LOC128706666: variants seen among roughly 807,000 people sequenced by gnomAD.
chr20:10,430,902 G>A, the LOC128706666 span, among the ~76,000 whole-genome samples: 1 of 152,146 alleles, frequency 6.6e-6, no homozygotes, highest in East Asian at 1.9e-4. Flanking sequence ...ACACGCTGTT[G>A]GTCTGAAACA....
chr20:10,427,029 G>GACACACACACAGACACACACACACACAC, the LOC128706666 span, among the ~76,000 whole-genome samples: 67 of 130,782 alleles, frequency 5.1e-4, no homozygotes, highest in Middle Eastern at 4.2e-3. Context: ...AGAAAACACT[G>GACACACACACAGACACACACACACACAC]ACACACACAC....
the LOC128706666 span, among the ~76,000 whole-genome samples, chr20:10,433,275 GT>G: frequency 6.6e-6 from 1 of 152,214 alleles, no homozygotes; most frequent in East Asian, 1.9e-4. Flanking sequence ...AAAGTGCGGG[GT>G]TACAGGGGTG....
chr20:10,429,735 T>C, the LOC128706666 span, among the ~76,000 whole-genome samples: 1 of 152,208 alleles, frequency 6.6e-6, no homozygotes, highest in East Asian at 1.9e-4. Flanking sequence ...CCCTCCTCCC[T>C]AGGGTCACAG....
chr20:10,431,837 G>A, the LOC128706666 span: 1 of 152,182 alleles, frequency 6.6e-6, no homozygotes, highest in Non-Finnish European at 1.5e-5. Flanking sequence ...CACAGAGGAT[G>A]GCTTATTCTT....
chr20:10,416,338 T>A, the LOC128706666 span, among the ~76,000 whole-genome samples: 3 of 152,038 alleles, frequency 2.0e-5, no homozygotes, highest in African/African-American at 7.2e-5. Flanking sequence ...AGGTAAGAAA[T>A]ACACAAGGTA....
At chr20:10,431,948 C>G in the LOC128706666 span, 1 of 151,888 alleles carries the variant, frequency 6.6e-6, no homozygotes, top group Non-Finnish European at 1.5e-5. Flanking sequence ...TTCTCTAGCA[C>G]GTGATTCCTT....
chr20:10,419,340 AAT>A, the LOC128706666 span, among the ~76,000 whole-genome samples: 1 of 152,180 alleles, frequency 6.6e-6, no homozygotes, highest in Admixed American at 6.5e-5. Flanking sequence ...TTATAAATAC[AAT>A]ATAGTGTATA....
chr20:10,418,956 G>A, the LOC128706666 span, among the ~76,000 whole-genome samples: 1 of 151,996 alleles, frequency 6.6e-6, no homozygotes, highest in Non-Finnish European at 1.5e-5. Flanking sequence ...CTTTTAAGTT[G>A]TTAAGCTTCT....
the LOC128706666 span, among the ~76,000 whole-genome samples, chr20:10,422,190 A>G: frequency 6.6e-6 from 1 of 152,118 alleles, no homozygotes; most frequent in Non-Finnish European, 1.5e-5. Context: ...ATTTCTCCCA[A>G]AGGTCTCAAT....
the LOC128706666 span, among the ~76,000 whole-genome samples, chr20:10,430,506 A>C: frequency 2.6e-5 from 4 of 152,264 alleles, no homozygotes; most frequent in African/African-American, 7.2e-5. Context: ...AACCTGTAGT[A>C]TAGCAAGAAC....
At chr20:10,424,964 A>G in the LOC128706666 span, among the ~76,000 whole-genome samples, 1 of 151,952 alleles carries the variant, frequency 6.6e-6, no homozygotes, top group South Asian at 2.1e-4. Flanking sequence ...GAGGCAGAAG[A>G]ATCACTTGAA....
At chr20:10,433,517 G>A in the LOC128706666 span, among the ~76,000 whole-genome samples, 219 of 152,304 alleles carry the variant, frequency 1.4e-3, 6 homozygotes, top group East Asian at 0.038. Flanking sequence ...GAATGAAACC[G>A]TCATATTGAG....
chr20:10,425,930 GAT>G, the LOC128706666 span, among the ~76,000 whole-genome samples: 1 of 152,118 alleles, frequency 6.6e-6, no homozygotes, highest in Admixed American at 6.5e-5. Flanking sequence ...CATGAAATGA[GAT>G]TAGTAAATTT....
the LOC128706666 span, among the ~76,000 whole-genome samples, chr20:10,430,554 T>A: frequency 6.6e-6 from 1 of 152,180 alleles, no homozygotes; most frequent in Non-Finnish European, 1.5e-5. Context: ...CTAAGGGAAG[T>A]GGTCCCCATA....
the LOC128706666 span, chr20:10,431,781 T>C: frequency 1.3e-5 from 2 of 152,226 alleles, no homozygotes; most frequent in African/African-American, 2.4e-5. Flanking sequence ...CTCTGCTATA[T>C]TCCTAGTGCG....
At chr20:10,430,052 CA>C in the LOC128706666 span, among the ~76,000 whole-genome samples, 1 of 152,034 alleles carries the variant, frequency 6.6e-6, no homozygotes, top group African/African-American at 2.4e-5. Flanking sequence ...AAAACAAAAA[CA>C]AAAACAAATC....
the LOC128706666 span, among the ~76,000 whole-genome samples, chr20:10,432,994 T>C: frequency 3.3e-5 from 5 of 152,162 alleles, no homozygotes; most frequent in African/African-American, 9.6e-5. Context: ...CCATCTTTTT[T>C]CCCCCAGAAT....
At chr20:10,433,399 G>C in the LOC128706666 span, among the ~76,000 whole-genome samples, 1 of 152,306 alleles carries the variant, frequency 6.6e-6, no homozygotes, top group Middle Eastern at 3.4e-3. Flanking sequence ...CTAGAACATG[G>C]AGTCAGGACC....
the LOC128706666 span, among the ~76,000 whole-genome samples, chr20:10,428,553 T>C: frequency 6.6e-6 from 1 of 152,186 alleles, no homozygotes; most frequent in Admixed American, 6.5e-5. Context: ...CTAAATCTTC[T>C]TTCAGCTGGG....
Sources: gnomAD v4.1 joint callset for allele counts (sites outside exome capture counted in the v4.1 genomes callset) on GRCh38, gnomAD v4.1.1 for gene constraint, MANE v1.5 for transcripts.